The following HNMT variants were observed in gnomAD, a reference collection of about 807,000 sequenced individuals.
The protein encoded by HNMT is histamine N-methyltransferase.
A neutral mutation model predicts 32.1 loss-of-function variants in HNMT; 30 were observed. That is an observed-to-expected ratio of 0.93 (90% CI 0.70 to 1.27). The LOEUF is 1.27. HNMT is among the 50% of genes most tolerant of loss of function. The pLI, the probability that HNMT is intolerant of heterozygous loss-of-function variation, is 0.00. For missense variants in HNMT, 327 were observed against 346.0 expected, an observed-to-expected ratio of 0.95 and a Z score of 0.43; for synonymous variants, 125 against 119.0, an observed-to-expected ratio of 1.05 and a Z score of -0.33.
rs763456665 is a variant in HNMT, at chr2:137,970,151, T to C, written c.138-14T>C. The C allele has an allele frequency of 4.7e-6, 7 of 1,503,276 alleles. No homozygotes were observed. The highest frequency in any genetic ancestry group is 4.2e-5 in the African/African-American group (3 of 72,132). The allele number at this position is 1,503,276 out of a possible 1,614,324, so 93.1% of individuals were successfully genotyped here. On this transcript the variant is annotated splice_polypyrimidine_tract_variant and intron_variant, in intron 1 of 5. Coordinates refer to ENST00000280097, the MANE Select transcript of HNMT (RefSeq NM_006895.3). Reference sequence around the variant, plus strand: ...AACACATTTTTCTAAAACTACATAATTTTTTTCTTTCAGGATTGGAGACAC... The same window carrying C: ...AACACATTTTTCTAAAACTACATAACTTTTTTCTTTCAGGATTGGAGACAC...
chr2:137,973,779 TG>T (rs1553488687), intron 2 of HNMT, among the ~76,000 whole-genome samples: 138 of 148,416 alleles, frequency 9.3e-4, no homozygotes, highest in South Asian at 6.8e-3. Flanking sequence ...TGGTTTTTTT[TG>T]GGGGGGGGTG....
intron 2 of HNMT, among the ~76,000 whole-genome samples, chr2:137,979,388 A>T (rs4309627): frequency 0.96 from 145,865 of 151,656 alleles, 70,407 homozygotes; most frequent in South Asian, 1. Context: ...CTCCTGCCTC[A>T]GCCTCCCGCG....
At chr2:137,981,148 G>T in intron 2 of HNMT, 2 of 1,524,354 alleles carry the variant, frequency 1.3e-6, no homozygotes, top group Non-Finnish European at 1.8e-6. Context: ...AAGAAGCAGG[G>T]ATAGGCTGAA....
intron 2 of HNMT, among the ~76,000 whole-genome samples, chr2:137,972,793 G>C (rs1031313961): frequency 6.6e-6 from 1 of 152,100 alleles, no homozygotes; most frequent in Admixed American, 6.6e-5. Flanking sequence ...AGGCCTACAA[G>C]AAAAAGTAAT....
At position 138,001,000 on chromosome 2, in the gene HNMT, T is replaced by G; in HGVS notation, c.273T>G (p.Ser91Arg). The G allele has an allele frequency of 1.2e-6, 2 of 1,606,566 alleles. No homozygotes were observed. Among genetic ancestry groups the G allele is most frequent in the Non-Finnish European group, 1.7e-6 (2 of 1,175,698 alleles). Residue 91 changes from serine to arginine, a missense_variant, in exon 3 of 6, where the codon AGT (serine) becomes AGG (arginine). Physicochemically the swap from Ser to Arg is moderately radical, Grantham distance 110 (BLOSUM62 -1). Transcript: ENST00000280097. ...VCINNEVVEP[S>R]AEQIAKYKEL... ...TCAACAATGAAGTTGTTGAGCCAAG[T>G]GCTGAACAAATTGCCAAATACAAAG...
At chr2:138,010,064 A>C (rs1049799440) in intron 5 of HNMT, among the ~76,000 whole-genome samples, 1 of 151,998 alleles carries the variant, frequency 6.6e-6, no homozygotes, top group Admixed American at 6.6e-5. Context: ...TAATTACCTA[A>C]AAGGGAAGAT....
intron 5 of HNMT, 135 bp from the exon 6 acceptor site, chr2:138,013,640 G>A: frequency 3.1e-6 from 2 of 641,622 alleles, no homozygotes; most frequent in Non-Finnish European, 5.4e-6. Flanking sequence ...CTCTCCTCCT[G>A]TACTCCTTGA....
Position 137,990,273 on chromosome 2 carries a change from G to A in HNMT, c.191-10645G>A, listed in dbSNP as rs1022829920. On this transcript the variant is annotated intron_variant, in intron 2 of 5. Transcript: ENST00000280097. ...AGTTAATTTTTGTGAAGGATGTAAG[G>A]TCCTTGTCTAGATTCATTTTTTTGC... Among the ~76,000 whole-genome samples, 5 of 152,116 alleles carry A rather than the reference G, an allele frequency of 3.3e-5. No individual in the cohort carries two copies. In the South Asian group the frequency reaches 6.2e-4, roughly 19 times the overall value.
chr2:137,991,536 T>C (rs1381912131), intron 2 of HNMT, among the ~76,000 whole-genome samples: 5 of 152,178 alleles, frequency 3.3e-5, no homozygotes, highest in Non-Finnish European at 7.3e-5. Flanking sequence ...GGTCTGCTCC[T>C]GAGGCCAAAA....
intron 2 of HNMT, among the ~76,000 whole-genome samples, chr2:137,996,131 C>T (rs533125081): frequency 6.6e-6 from 1 of 152,318 alleles, no homozygotes; most frequent in South Asian, 2.1e-4. Flanking sequence ...TGTCCTCTCT[C>T]ACCACTCCTA....
intron 2 of HNMT, chr2:137,981,527 A>G (rs1020269875): frequency 6.0e-6 from 4 of 671,628 alleles, no homozygotes; most frequent in Non-Finnish European, 1.0e-5. Context: ...ACCATCCGTA[A>G]AATTAGGTGT....
chr2:138,012,696 G>A (rs1228439081), intron 5 of HNMT, among the ~76,000 whole-genome samples: 7 of 152,024 alleles, frequency 4.6e-5, no homozygotes, highest in Non-Finnish European at 5.9e-5. Flanking sequence ...AAAACTGCTC[G>A]TCTTCATTCT....
chr2:137,992,193 C>T (rs374174789), intron 2 of HNMT, among the ~76,000 whole-genome samples: 30 of 152,328 alleles, frequency 2.0e-4, no homozygotes, highest in East Asian at 1.5e-3. Flanking sequence ...CTTAAGCCTA[C>T]GGAACTCCTG....
chr2:137,988,540 A>G (rs1680719439), intron 2 of HNMT: 1 of 128,746 alleles, frequency 7.8e-6, no homozygotes, highest in African/African-American at 2.9e-5. Flanking sequence ...GATCTGAACT[A>G]TTGACCCCCC....
At chr2:137,993,375 T>C (rs1680884748) in intron 2 of HNMT, among the ~76,000 whole-genome samples, 1 of 152,062 alleles carries the variant, frequency 6.6e-6, no homozygotes, top group Admixed American at 6.6e-5. Flanking sequence ...ATGTTGGAGC[T>C]GAAAAACACA....
At chr2:137,970,046 T>C (rs1460086127) in intron 1 of HNMT, 119 bp from the exon 2 acceptor site, 1 of 550,820 alleles carries the variant, frequency 1.8e-6, no homozygotes, top group African/African-American at 1.9e-5. Context: ...GGACATTTCA[T>C]GTTGGCCTAG....
At chr2:137,981,397 C>A (rs746288462) in intron 2 of HNMT, 1 of 1,598,514 alleles carries the variant, frequency 6.3e-7, no homozygotes, top group Non-Finnish European at 8.6e-7. Flanking sequence ...TTTCCTTCAT[C>A]CTCTTTTAAG....
At chr2:138,009,742 T>C (rs557980871) in intron 5 of HNMT, among the ~76,000 whole-genome samples, 15 of 152,190 alleles carry the variant, frequency 9.9e-5, no homozygotes, top group African/African-American at 3.6e-4. Flanking sequence ...ATTGTTTTCT[T>C]TCAATGATGT....
At chr2:138,010,837 A>G (rs1424661874) in intron 5 of HNMT, among the ~76,000 whole-genome samples, 1 of 151,988 alleles carries the variant, frequency 6.6e-6, no homozygotes, top group East Asian at 1.9e-4. Flanking sequence ...TATCAAAGAA[A>G]AGTTTTTTTC....
Sources: allele counts gnomAD v4.1 joint callset (sites outside exome capture counted in the v4.1 genomes callset), GRCh38; gene constraint gnomAD v4.1.1; transcripts MANE v1.5; gene names NCBI Gene and HGNC (gene_info 2026-07-23, HGNC 2026-07-21).